Variants in TEKT5 observed in about 807,000 individuals in gnomAD.
TEKT5 encodes tektin 5, also known as tektin-5.
TEKT5 carries 52 observed loss-of-function variants against 48.7 expected under a neutral mutation model. The observed-to-expected ratio is 1.07, with a 90% confidence interval of 0.86 to 1.35. The LOEUF (loss-of-function observed/expected upper bound fraction) is 1.35, where lower values mean the gene tolerates loss of function less well. TEKT5 is among the 40% of genes most tolerant of loss of function. TEKT5 has a pLI of 0.00. For synonymous variants in TEKT5, 318 were observed against 267.6 expected (o/e 1.19, Z -1.84); for missense variants, 831 against 641.6 (o/e 1.30, Z -3.19).
chr16:10,678,159 C>T (rs1291876737), intron 4 of TEKT5, among the ~76,000 whole-genome samples: 2 of 152,232 alleles, frequency 1.3e-5, no homozygotes, highest in African/African-American at 2.4e-5. Flanking sequence ...TCTTGAGTGG[C>T]GGGATCTCGG....
At chr16:10,658,383 C>T (rs79543848) in intron 5 of TEKT5, among the ~76,000 whole-genome samples, 18,536 of 152,060 alleles carry the variant, frequency 0.12, 1,309 homozygotes, top group South Asian at 0.33. Context: ...GTGGAATAGC[C>T]CCACAATAGA....
chr16:10,675,438 G>A (rs1898627270), intron 5 of TEKT5, among the ~76,000 whole-genome samples: 1 of 152,160 alleles, frequency 6.6e-6, no homozygotes, highest in Admixed American at 6.5e-5. Context: ...AGGGCACACT[G>A]GTGTAGGCAT....
intron 5 of TEKT5, among the ~76,000 whole-genome samples, chr16:10,672,975 A>C (rs2142298081): frequency 6.6e-6 from 1 of 151,862 alleles, no homozygotes; most frequent in East Asian, 1.9e-4. Flanking sequence ...TCCTTGCCTC[A>C]GCCTCCTGTG....
intron 3 of TEKT5, among the ~76,000 whole-genome samples, chr16:10,686,600 A>G (rs1477530405): frequency 6.6e-6 from 1 of 152,230 alleles, no homozygotes; most frequent in Admixed American, 6.5e-5. Flanking sequence ...AAAATAGACA[A>G]ATGAGATTAC....
At chr16:10,665,419 C>T (rs960709751) in intron 5 of TEKT5, among the ~76,000 whole-genome samples, 1 of 152,154 alleles carries the variant, frequency 6.6e-6, no homozygotes, top group African/African-American at 2.4e-5. Flanking sequence ...TACTAGCGTT[C>T]CTGAGCATAG....
chr16:10,688,711 G>GC (rs905127740), intron 3 of TEKT5, among the ~76,000 whole-genome samples: 1 of 152,206 alleles, frequency 6.6e-6, no homozygotes, highest in Non-Finnish European at 1.5e-5. Context: ...TATGTGAGGG[G>GC]CCCCCAGGCT....
At chr16:10,646,254 A>G (rs7192362) in intron 5 of TEKT5, among the ~76,000 whole-genome samples, 4,823 of 152,338 alleles carry the variant, frequency 0.032, 220 homozygotes, top group African/African-American at 0.11. Flanking sequence ...AATTGAATGA[A>G]TGAATCACAG....
rs117810945 is a variant in TEKT5 at position 10,636,456 on chromosome 16, C to T, written c.1087-538G>A. Among the ~76,000 whole-genome samples, 617 of 151,820 alleles carry T rather than the reference C, an allele frequency of 4.1e-3. 4 individuals are homozygous for T. Among genetic ancestry groups the T allele is most frequent in the Non-Finnish European group, 5.0e-3 (338 of 67,966 alleles). On this transcript the variant is annotated intron_variant, in intron 5 of 6. Coordinates refer to ENST00000283025, the MANE Select transcript of TEKT5 (RefSeq NM_144674.2). Reference sequence around the variant, plus strand: ...ACCGGGGCACTGTGGACATGGAAGACGGGCCAGTATCATGGTTGGTTTTGT... The same window carrying T: ...ACCGGGGCACTGTGGACATGGAAGATGGGCCAGTATCATGGTTGGTTTTGT...
At chr16:10,653,984 TTG>T (rs1277958054) in intron 5 of TEKT5, among the ~76,000 whole-genome samples, 2 of 151,568 alleles carry the variant, frequency 1.3e-5, no homozygotes, top group East Asian at 1.9e-4. Flanking sequence ...CTAAGTAAAA[TTG>T]TGTGTGTGTG....
intron 4 of TEKT5, among the ~76,000 whole-genome samples, chr16:10,677,056 T>C (rs1020070261): frequency 2.6e-5 from 4 of 151,154 alleles, no homozygotes; most frequent in Non-Finnish European, 5.9e-5. Flanking sequence ...CTACATGTGG[T>C]GGTGCATGCC....
chr16:10,650,884 A>G (rs1291411392), intron 5 of TEKT5, among the ~76,000 whole-genome samples: 3 of 75,030 alleles, frequency 4.0e-5, no homozygotes, highest in Non-Finnish European at 4.9e-5. Flanking sequence ...GACTCCATCT[A>G]AAAAAAAAAA....
chr16:10,694,248 C>T (rs571433231), intron 1 of TEKT5, 62 bp downstream of exon 1: 123 of 1,477,660 alleles, frequency 8.3e-5, no homozygotes, highest in Non-Finnish European at 1.0e-4. Context: ...TCAAGGGAAG[C>T]AGAATGAGCG....
In TEKT5 at chr16:10,652,836, GACAC is replaced by G. The variant is rs572998899; in HGVS notation, c.1087-16922_1087-16919del. On this transcript the variant is annotated intron_variant, in intron 5 of 6. Coordinates refer to ENST00000283025, the MANE Select transcript of TEKT5 (RefSeq NM_144674.2). ...GAACGATCCCTTATATACACAGGCA[GACAC>G]ACACACACACACACACACACACACA... Among the ~76,000 whole-genome samples the G allele has an allele frequency of 9.3e-3, 182 of 19,644 alleles. 4 individuals carry two copies. In the East Asian group the frequency reaches 0.13, roughly 14 times the overall value. 12.9% of individuals were successfully genotyped at this position (19,644 alleles called of 152,430 possible).
chr16:10,650,226 C>T (rs1480873391), intron 5 of TEKT5, among the ~76,000 whole-genome samples: 1 of 151,650 alleles, frequency 6.6e-6, no homozygotes, highest in Non-Finnish European at 1.5e-5. Context: ...GCTGGGATTA[C>T]AGTAGCTGGG....
chr16:10,680,280 C>T (rs1033721691), intron 4 of TEKT5, among the ~76,000 whole-genome samples: 3 of 152,338 alleles, frequency 2.0e-5, no homozygotes, highest in Non-Finnish European at 4.4e-5. Context: ...TTTGTAAGAT[C>T]CAGAAAGTGA....
In TEKT5 at chr16:10,676,134, T is replaced by C. The variant is rs372618647; in HGVS notation, c.911A>G (p.Lys304Arg). 6.2e-7 allele frequency: 1 copy of C among 1,614,152 alleles called. No individual in the cohort carries two copies. Residue 304 changes from lysine to arginine, a missense_variant, in exon 5 of 7, where the codon AAA becomes AGA. By Grantham distance (26) the Lys-to-Arg change is conservative (BLOSUM62 2). Transcript: ENST00000283025. The stretch of plus-strand genomic sequence containing the variant: ...GTTGGCCCGCATGTTCTGAGAGTGT[T>C]TGATGTTGTCGTTACTGAACTTGGC... ...TWAKFSNDNI[K>R]HSQNMRANSI...
chr16:10,654,113 C>G (rs932542863), intron 5 of TEKT5, among the ~76,000 whole-genome samples: 22 of 152,054 alleles, frequency 1.4e-4, no homozygotes, highest in African/African-American at 5.1e-4. Context: ...TGCAGCGGCA[C>G]TATTATGGCT....
chr16:10,659,051 C>T (rs966198043), intron 5 of TEKT5, among the ~76,000 whole-genome samples: 1 of 152,140 alleles, frequency 6.6e-6, no homozygotes. Context: ...GGTATCTGTC[C>T]TGTGCATTGA....
chr16:10,666,147 C>T (rs1898453467), intron 5 of TEKT5, among the ~76,000 whole-genome samples: 1 of 152,270 alleles, frequency 6.6e-6, no homozygotes, highest in South Asian at 2.1e-4. Context: ...AAGAACCACC[C>T]TGTTTACCAA....
Sources: allele counts gnomAD v4.1 joint callset (sites outside exome capture counted in the v4.1 genomes callset), GRCh38; gene constraint gnomAD v4.1.1; transcripts MANE v1.5; gene names NCBI Gene and HGNC (gene_info 2026-07-23, HGNC 2026-07-21).